Variants in BRINP1 observed in about 807,000 individuals in gnomAD.
BRINP1 encodes BMP/retinoic acid-inducible neural-specific protein 1.
BRINP1 carries 17 observed loss-of-function variants against 72.9 expected under a neutral mutation model. That is an observed-to-expected ratio of 0.23 (90% CI 0.16 to 0.35). The LOEUF (loss-of-function observed/expected upper bound fraction) is 0.35. Among genes scored for constraint, BRINP1 ranks in the 10% least tolerant of loss-of-function variants. The pLI is 1.00. For synonymous variants in BRINP1, 418 were observed against 378.5 expected (o/e 1.10, Z -1.21); for missense variants, 850 against 1,001.6 (o/e 0.85, Z 2.04).
At chr9:119,258,667 G>A (rs76570297) in intron 2 of BRINP1, among the ~76,000 whole-genome samples, 4 of 152,050 alleles carry the variant, frequency 2.6e-5, no homozygotes, top group African/African-American at 9.7e-5. Context: ...GTGGCAAGAG[G>A]GACTAGGAAA....
intron 2 of BRINP1, among the ~76,000 whole-genome samples, chr9:119,293,201 C>G (rs907155459): frequency 6.6e-6 from 1 of 151,806 alleles, no homozygotes; most frequent in East Asian, 1.9e-4. Flanking sequence ...TAAGAATTCT[C>G]GGCGGGAAAA....
At chr9:119,284,700 C>T (rs944078494) in intron 2 of BRINP1, among the ~76,000 whole-genome samples, 14 of 152,016 alleles carry the variant, frequency 9.2e-5, no homozygotes, top group Non-Finnish European at 1.8e-4. Context: ...ATTAGAGAAG[C>T]AAATAAAAGA....
At chr9:119,285,719 A>G (rs1177469237) in intron 2 of BRINP1, among the ~76,000 whole-genome samples, 1 of 151,940 alleles carries the variant, frequency 6.6e-6, no homozygotes. Flanking sequence ...TTCCCTCCTC[A>G]TCTAACTATC....
intron 5 of BRINP1, 50 bp from the exon 6 acceptor site, chr9:119,214,205 T>G (rs1829956858): frequency 7.2e-7 from 1 of 1,391,352 alleles, no homozygotes; most frequent in Non-Finnish European, 1.0e-6. Context: ...AAAAAAGGTG[T>G]TTCATTAACA....
chr9:119,253,758 AG>A (rs1228239573), intron 2 of BRINP1, among the ~76,000 whole-genome samples: 3 of 152,326 alleles, frequency 2.0e-5, no homozygotes, highest in South Asian at 4.1e-4. Context: ...GTAGAAAGAA[AG>A]GGATGTGTGT....
At chr9:119,236,717 G>A (rs563758361) in intron 5 of BRINP1, among the ~76,000 whole-genome samples, 2 of 152,226 alleles carry the variant, frequency 1.3e-5, no homozygotes, top group South Asian at 4.2e-4. Flanking sequence ...GAAAACCCTG[G>A]CACACACAAG....
chr9:119,344,496 C>T (rs1185705963), intron 1 of BRINP1, among the ~76,000 whole-genome samples: 1 of 152,180 alleles, frequency 6.6e-6, no homozygotes, highest in Non-Finnish European at 1.5e-5. Context: ...CATTTATCAA[C>T]TGATTAAACT....
At chr9:119,229,025 A>T (rs779438729) in intron 5 of BRINP1, among the ~76,000 whole-genome samples, 47 of 152,122 alleles carry the variant, frequency 3.1e-4, no homozygotes, top group Non-Finnish European at 5.4e-4. Context: ...TGCCAAGTAC[A>T]CTTTTTATGT....
At chr9:119,357,493 A>C (rs1216971794) in intron 1 of BRINP1, among the ~76,000 whole-genome samples, 1 of 152,204 alleles carries the variant, frequency 6.6e-6, no homozygotes, top group Non-Finnish European at 1.5e-5. Context: ...TCCTGGTGTC[A>C]GCAGCATTTG....
At chr9:119,187,275 A>G (rs1829633075) in intron 7 of BRINP1, among the ~76,000 whole-genome samples, 1 of 151,938 alleles carries the variant, frequency 6.6e-6, no homozygotes, top group South Asian at 2.1e-4. Flanking sequence ...CCTGTTACCT[A>G]TATTATACCC....
intron 5 of BRINP1, among the ~76,000 whole-genome samples, chr9:119,214,899 T>C (rs1339775876): frequency 6.6e-6 from 1 of 152,132 alleles, no homozygotes; most frequent in Non-Finnish European, 1.5e-5. Flanking sequence ...GAAATGAACT[T>C]GGATGAATGG....
chr9:119,241,953 C>T lies in BRINP1; in HGVS notation c.579+94G>A, dbSNP rs532594979. Reference sequence around the variant, plus strand: ...ATCACGAGCTACATGGTTATGAACCCAGAAATTACATCTGTCCATCCACTC... The same window carrying T: ...ATCACGAGCTACATGGTTATGAACCTAGAAATTACATCTGTCCATCCACTC... On this transcript the variant is annotated intron_variant, in intron 4 of 7. Transcript: ENST00000265922. 2.2e-6 allele frequency: 3 copies of T among 1,385,880 alleles called. No homozygotes were observed. In the Admixed American group the frequency reaches 6.0e-5, roughly 28 times the overall value. The allele number at this position is 1,385,880 out of a possible 1,614,324, so 85.8% of individuals were successfully genotyped here.
intron 2 of BRINP1, among the ~76,000 whole-genome samples, chr9:119,279,602 C>T (rs1261025508): frequency 6.6e-6 from 1 of 152,186 alleles, no homozygotes; most frequent in Non-Finnish European, 1.5e-5. Context: ...GCCAAAGCCT[C>T]GTTCACATTA....
intron 1 of BRINP1, among the ~76,000 whole-genome samples, chr9:119,359,067 G>A (rs1335614777): frequency 1.3e-5 from 2 of 152,174 alleles, no homozygotes; most frequent in Admixed American, 6.5e-5. Flanking sequence ...AATATAAGAG[G>A]GGGTGGAAAT....
chr9:119,173,809 C>A (rs1301718938), intron 7 of BRINP1, among the ~76,000 whole-genome samples: 23 of 144,426 alleles, frequency 1.6e-4, no homozygotes, highest in African/African-American at 4.2e-4. Context: ...GATCAATGGA[C>A]CAGAACAGAG....
intron 1 of BRINP1, among the ~76,000 whole-genome samples, chr9:119,360,763 A>G (rs1414121137): frequency 6.6e-6 from 1 of 152,068 alleles, no homozygotes; most frequent in Non-Finnish European, 1.5e-5. Flanking sequence ...CATTTGTAGG[A>G]CCTTTGCAAG....
chr9:119,246,362 C>T (rs544153156), intron 3 of BRINP1, among the ~76,000 whole-genome samples: 1 of 152,332 alleles, frequency 6.6e-6, no homozygotes, highest in Admixed American at 6.5e-5. Flanking sequence ...AGAACGAAAG[C>T]AGGCAGAATG....
chr9:119,198,486 A>G (rs529715001), intron 7 of BRINP1, among the ~76,000 whole-genome samples: 4 of 152,272 alleles, frequency 2.6e-5, no homozygotes, highest in African/African-American at 9.6e-5. Context: ...CAGACTAGAG[A>G]GTCTGAAGTC....
chr9:119,317,060 C>A (rs1831132275), intron 1 of BRINP1, among the ~76,000 whole-genome samples: 1 of 149,620 alleles, frequency 6.7e-6, no homozygotes, highest in African/African-American at 2.6e-5. Context: ...CACTGCACTC[C>A]AGCCTGGTGA....
Sources: allele counts gnomAD v4.1 joint callset (sites outside exome capture counted in the v4.1 genomes callset), GRCh38; gene constraint gnomAD v4.1.1; transcripts MANE v1.5; gene names NCBI Gene and HGNC (gene_info 2026-07-23, HGNC 2026-07-21).